TENM4: variants seen among roughly 807,000 people sequenced by gnomAD.
The protein encoded by TENM4 is teneurin transmembrane protein 4, also known as teneurin-4.
Under a neutral mutation model 243.3 loss-of-function variants are expected in TENM4, and 82 were observed. The ratio of observed to expected loss-of-function variants is 0.34; its 90% confidence interval spans 0.28 to 0.40. TENM4 has a LOEUF of 0.40. Ranked by LOEUF, TENM4 falls within the 10% of genes least tolerant of loss-of-function variation. TENM4 has a pLI of 1.00. For synonymous variants in TENM4, 1,412 were observed against 1,456.3 expected (o/e 0.97, Z 0.69); for missense variants, 3,138 against 3,673.3 (o/e 0.85, Z 3.77).
At chr11:79,265,902 C>G (rs539702004) in intron 2 of TENM4, among the ~76,000 whole-genome samples, 6 of 152,284 alleles carry the variant, frequency 3.9e-5, no homozygotes, top group African/African-American at 1.4e-4. Flanking sequence ...CAGCTCCCTC[C>G]CACAAAGATT....
intron 6 of TENM4, among the ~76,000 whole-genome samples, chr11:79,058,692 G>A (rs1317218244): frequency 6.6e-6 from 1 of 152,192 alleles, no homozygotes; most frequent in Non-Finnish European, 1.5e-5. Flanking sequence ...AGAAAATGAG[G>A]GAAGGTTAAG....
chr11:79,124,645 A>ATGTGTG (rs35642884), intron 4 of TENM4, among the ~76,000 whole-genome samples: 15 of 133,856 alleles, frequency 1.1e-4, no homozygotes, highest in South Asian at 2.5e-4. Context: ...ATATATATAT[A>ATGTGTG]TGTGTGTGTG....
intron 3 of TENM4, among the ~76,000 whole-genome samples, chr11:79,164,255 G>A (rs1317572875): frequency 2.8e-5 from 3 of 105,340 alleles, no homozygotes; most frequent in South Asian, 3.6e-4. Context: ...AGTATATATA[G>A]TATATAGATA....
chr11:79,188,510 G>T (rs989127923), intron 3 of TENM4, among the ~76,000 whole-genome samples: 8 of 152,016 alleles, frequency 5.3e-5, no homozygotes, highest in Non-Finnish European at 1.2e-4. Flanking sequence ...AAAGGGAAAA[G>T]AGAGGAGGAG....
chr11:78,967,889 G>A (rs187099211), intron 6 of TENM4, among the ~76,000 whole-genome samples: 17 of 152,340 alleles, frequency 1.1e-4, no homozygotes, highest in Non-Finnish European at 2.5e-4. Context: ...GCTTATAGGA[G>A]ATGAAGATGG....
Position 78,786,889 on chromosome 11 carries a change from C to T in TENM4, c.2365+9G>A. The T allele has an allele frequency of 1.2e-6, 2 of 1,604,140 alleles. No individual in the cohort carries two copies. The highest frequency in any genetic ancestry group is 1.7e-6 in the Non-Finnish European group (2 of 1,176,282). ...AGAGAAGGTACCCGGGGACCTCGGCCCGCCATACCGATGGTGCAGTGTTCG... is the reference window on the plus strand; with the variant it reads ...AGAGAAGGTACCCGGGGACCTCGGCTCGCCATACCGATGGTGCAGTGTTCG... On this transcript the variant is annotated intron_variant, in intron 16 of 33. Coordinates refer to ENST00000278550, the MANE Select transcript of TENM4 (RefSeq NM_001098816.3).
At chr11:79,168,302 C>T (rs530690772) in intron 3 of TENM4, among the ~76,000 whole-genome samples, 1 of 152,276 alleles carries the variant, frequency 6.6e-6, no homozygotes, top group East Asian at 1.9e-4. Context: ...CCAGTCCTCA[C>T]AATGTCAGTA....
chr11:78,729,307 G>T, intron 22 of TENM4, 69 bp downstream of exon 22: 2 of 1,467,768 alleles, frequency 1.4e-6, no homozygotes, highest in African/African-American at 1.4e-5. Flanking sequence ...AAGGAAGAAG[G>T]AACTAGGGAG....
chr11:79,220,948 A>G (rs997504165), intron 2 of TENM4: 1 of 152,220 alleles, frequency 6.6e-6, no homozygotes, highest in Non-Finnish European at 1.5e-5. Flanking sequence ...CCATCTCATT[A>G]TCACGTAAAT....
chr11:78,690,591 A>G (rs1187164598), intron 28 of TENM4, among the ~76,000 whole-genome samples: 1 of 152,182 alleles, frequency 6.6e-6, no homozygotes, highest in Non-Finnish European at 1.5e-5. Flanking sequence ...CAGGCTGTGC[A>G]TAGGAGTCTC....
Position 79,285,650 on chromosome 11 carries a change from T to TGC in TENM4, c.-265+11837_-265+11838insGC, listed in dbSNP as rs200491708. On this transcript the variant is annotated intron_variant, in intron 2 of 33. Coordinates refer to ENST00000278550, the MANE Select transcript of TENM4 (RefSeq NM_001098816.3). Reference sequence around the variant, plus strand: ...ATGGATAAACAAAATGTGGTATGTGTGTGTGTGTGTGTGGGTGGGTATGGG... The same window carrying TGC: ...ATGGATAAACAAAATGTGGTATGTGTGCGTGTGTGTGTGTGGGTGGGTATGGG... Among the ~76,000 whole-genome samples the TGC allele has an allele frequency of 2.0e-5, 3 of 152,098 alleles. No homozygotes were observed. In the East Asian group the frequency reaches 5.8e-4, roughly 29 times the overall value.
intron 3 of TENM4, among the ~76,000 whole-genome samples, chr11:79,181,354 C>G: frequency 6.6e-6 from 1 of 152,100 alleles, no homozygotes; most frequent in South Asian, 2.1e-4. Context: ...ATAATTATAT[C>G]AATAGATGCA....
chr11:79,273,644 C>T (rs147697352), intron 2 of TENM4, among the ~76,000 whole-genome samples: 1 of 152,220 alleles, frequency 6.6e-6, no homozygotes, highest in East Asian at 1.9e-4. Flanking sequence ...GGAGCCGGGC[C>T]TGGAACCAGG....
chr11:79,095,100 G>T (rs967683767), intron 4 of TENM4, among the ~76,000 whole-genome samples: 1 of 152,148 alleles, frequency 6.6e-6, no homozygotes, highest in South Asian at 2.1e-4. Context: ...TGGGGAGAGG[G>T]GGGTGAAGGG....
chr11:79,167,689 A>G (rs17828175), intron 3 of TENM4, among the ~76,000 whole-genome samples: 41,132 of 151,978 alleles, frequency 0.27, 6,359 homozygotes, highest in Non-Finnish European at 0.36. Context: ...TTGGTAGCCC[A>G]GTTGGAGGTG....
chr11:78,669,839 T>C lies in TENM4; in HGVS notation c.6506A>G (p.Gln2169Arg). 1 of 1,613,912 alleles carries C rather than the reference T, an allele frequency of 6.2e-7. No homozygotes were observed. The highest frequency in any genetic ancestry group is 8.5e-7 in the Non-Finnish European group (1 of 1,179,856). ...FRSLMYWMTV[Q>R]YDNMGRVVKK... ...CACTACTCGCCCCATGTTATCATAC[T>C]GGACGGTCATCCAGTACATGAGCGA... The change falls in exon 32 of 34, where the codon CAG becomes CGG. Residue 2169 changes from glutamine (Q) to arginine (R), a missense_variant. This residue lies in a region of TENM4 where 2,467 missense variants were observed against 3,059.1 expected (regional missense o/e 0.81). Transcript: ENST00000278550. This position sits in a 1 kb window ranked among gnomAD's most constrained non-coding sequence, Gnocchi z 6.4.
intron 6 of TENM4, among the ~76,000 whole-genome samples, chr11:78,938,722 C>T (rs1856834488): frequency 6.6e-6 from 1 of 152,124 alleles, no homozygotes; most frequent in African/African-American, 2.4e-5. Flanking sequence ...CAGAGCAGAC[C>T]ATCATCTGGT....
intron 22 of TENM4, among the ~76,000 whole-genome samples, chr11:78,727,307 TGTG>T (rs1291950831): frequency 6.6e-6 from 1 of 151,010 alleles, no homozygotes; most frequent in Non-Finnish European, 1.5e-5. Flanking sequence ...ATTAGCCGGG[TGTG>T]GTGGTGGGCG....
chr11:78,831,836 T>A (rs551306648), intron 12 of TENM4, among the ~76,000 whole-genome samples: 4 of 152,308 alleles, frequency 2.6e-5, no homozygotes, highest in African/African-American at 9.6e-5. Context: ...AGACTGACAA[T>A]AACCAGGCTG....
Sources: allele counts gnomAD v4.1 joint callset (sites outside exome capture counted in the v4.1 genomes callset), GRCh38; gene constraint gnomAD v4.1.1; regional missense constraint gnomAD v4.1.1; non-coding constraint Gnocchi (gnomAD v3.1); transcripts MANE v1.5; gene names NCBI Gene and HGNC (gene_info 2026-07-23, HGNC 2026-07-21).